The following IMPG1 variants were observed in gnomAD, a reference collection of about 807,000 sequenced individuals.
IMPG1 encodes interphotoreceptor matrix proteoglycan of 150 kDa.
IMPG1 carries 85 observed loss-of-function variants against 92.0 expected under a neutral mutation model. The observed-to-expected ratio is 0.92, with a 90% confidence interval of 0.78 to 1.11. The LOEUF (loss-of-function observed/expected upper bound fraction) is 1.11, where lower values mean the gene tolerates loss of function less well. Among genes scored for constraint, IMPG1 ranks in the 50% least tolerant of loss-of-function variants. The pLI is 0.00. For missense variants in IMPG1, 1,022 were observed against 956.0 expected (o/e 1.07, Z -0.91); for synonymous variants, 367 against 334.1 (o/e 1.10, Z -1.08).
chr6:76,065,913 G>A (rs1784301246), intron 1 of IMPG1, among the ~76,000 whole-genome samples: 1 of 151,994 alleles, frequency 6.6e-6, no homozygotes. Context: ...AAGAGACTGA[G>A]GTCCTATTTT....
rs182096704 is a variant in IMPG1 at position 76,045,280 on chromosome 6, C to T, written c.68-3154G>A. On this transcript the variant is annotated intron_variant, in intron 1 of 16. Coordinates refer to ENST00000369950, the MANE Select transcript of IMPG1 (RefSeq NM_001563.4). ...TCCACTTTTGAGTATCTCCACTTAA[C>T]AAATTCCTTCCTTTGGGTTGAAAAT... is the stretch of plus-strand genomic sequence containing the variant. Among the ~76,000 whole-genome samples the T allele has an allele frequency of 3.9e-5, 6 of 152,258 alleles. No homozygotes were observed. The East Asian group carries it at 7.7e-4, about 20-fold the overall frequency.
At position 76,025,246 on chromosome 6, in the gene IMPG1, T is replaced by C; in HGVS notation, c.510A>G (p.Ile170Met). ...GCTCTCCCAATGTCTTCTCTGCAGA[T>C]ATTTCATCTTTTCTATTAGTACAAT... ...QRSFPDRKDE[I>M]SAEKTLGEPG... Residue 170 changes from isoleucine (I) to methionine (M), a missense_variant, in exon 5 of 17, where the codon ATA (isoleucine) becomes ATG (methionine). Ile to Met is a conservative substitution (Grantham distance 10). Coordinates refer to ENST00000369950, the MANE Select transcript of IMPG1 (RefSeq NM_001563.4). 6.3e-7 allele frequency: 1 copy of C among 1,588,344 alleles called. No individual in the cohort carries two copies. The highest frequency in any genetic ancestry group is 8.6e-7 in the Non-Finnish European group (1 of 1,158,112).
At chr6:76,036,286 AT>A (rs1481279877) in intron 2 of IMPG1, among the ~76,000 whole-genome samples, 1 of 152,210 alleles carries the variant, frequency 6.6e-6, no homozygotes, top group African/African-American at 2.4e-5. Flanking sequence ...AACCAAAGCA[AT>A]CACTTTGATC....
In IMPG1 at chr6:75,965,842, T is replaced by C. The variant is rs545484181; in HGVS notation, c.1292-14748A>G. 1.1e-4 allele frequency among the ~76,000 whole-genome samples: 16 copies of C among 152,142 alleles called. No homozygotes were observed. In the East Asian group the frequency reaches 1.9e-3, roughly 18 times the overall value. On this transcript the variant is annotated intron_variant, in intron 12 of 16. Coordinates refer to ENST00000369950, the MANE Select transcript of IMPG1 (RefSeq NM_001563.4). ...CAGGATGGTCTCGATCTCCTGACCT[T>C]GTGATCTGCCCGCCTTGGCCTCCCA...
chr6:76,027,684 A>G (rs1016749629), intron 4 of IMPG1, among the ~76,000 whole-genome samples: 2 of 152,200 alleles, frequency 1.3e-5, no homozygotes, highest in African/African-American at 2.4e-5. Context: ...AAGGTATTAT[A>G]TGGTTTTTTC....
At position 76,022,104 on chromosome 6, in the gene IMPG1, G is replaced by T; in HGVS notation, c.666+12C>A. 2.7e-6 allele frequency: 4 copies of T among 1,458,736 alleles called. No homozygotes were observed. Among genetic ancestry groups the T allele is most frequent in the Non-Finnish European group, 3.8e-6 (4 of 1,046,530 alleles). 90.4% of individuals were successfully genotyped at this position (1,458,736 alleles called of 1,614,324 possible). A position where few individuals can be genotyped will look rare whatever the true frequency, so the allele number is the denominator to read the frequency against. ...CACATGAAGAGCTAGATCAACTCTA[G>T]GAACTTCTTACTGTTGTAGGCATCT... is the stretch of plus-strand genomic sequence containing the variant. On this transcript the variant is annotated intron_variant, in intron 6 of 16. Coordinates refer to ENST00000369950, the MANE Select transcript of IMPG1 (RefSeq NM_001563.4).
chr6:75,993,191 T>C (rs1430166038), intron 12 of IMPG1, among the ~76,000 whole-genome samples: 1 of 152,132 alleles, frequency 6.6e-6, no homozygotes, highest in Non-Finnish European at 1.5e-5. Context: ...TAGTTCTTAA[T>C]ATGAAATTTC....
intron 1 of IMPG1, among the ~76,000 whole-genome samples, chr6:76,053,858 A>G (rs774557838): frequency 2.0e-5 from 3 of 152,144 alleles, no homozygotes; most frequent in African/African-American, 7.2e-5. Flanking sequence ...CTCAGTAAAG[A>G]CAATTGCATA....
intron 9 of IMPG1, among the ~76,000 whole-genome samples, chr6:76,006,786 A>G (rs1423135532): frequency 8.5e-5 from 13 of 152,186 alleles, no homozygotes; most frequent in Admixed American, 3.3e-4. Flanking sequence ...CATTAACTCA[A>G]AGCTTTTTTG....
intron 1 of IMPG1, among the ~76,000 whole-genome samples, chr6:76,066,211 C>T (rs972674625): frequency 2.0e-5 from 3 of 152,026 alleles, no homozygotes; most frequent in Non-Finnish European, 4.4e-5. Context: ...AGAAAGAAAA[C>T]TCCACATATT....
intron 12 of IMPG1, among the ~76,000 whole-genome samples, chr6:75,979,539 C>T (rs1404083804): frequency 1.3e-5 from 2 of 152,194 alleles, no homozygotes; most frequent in Non-Finnish European, 2.9e-5. Context: ...CCACTGTTAT[C>T]TCATTTCCCA....
intron 12 of IMPG1, among the ~76,000 whole-genome samples, chr6:75,997,845 C>A (rs1782927523): frequency 6.6e-6 from 1 of 152,154 alleles, no homozygotes; most frequent in South Asian, 2.1e-4. Flanking sequence ...CATAGCAATA[C>A]TTTCAATTCT....
intron 1 of IMPG1, among the ~76,000 whole-genome samples, chr6:76,047,714 T>G (rs1445883595): frequency 6.6e-6 from 1 of 152,218 alleles, no homozygotes. Context: ...TGTGGAAATA[T>G]TAATGGGATT....
intron 4 of IMPG1, among the ~76,000 whole-genome samples, chr6:76,027,285 T>A (rs1783559048): frequency 6.6e-6 from 1 of 152,232 alleles, no homozygotes; most frequent in Non-Finnish European, 1.5e-5. Context: ...ACTGTCTGTC[T>A]TGTTGGCTTC....
intron 1 of IMPG1, among the ~76,000 whole-genome samples, chr6:76,048,784 C>A (rs1783988205): frequency 6.6e-6 from 1 of 152,170 alleles, no homozygotes; most frequent in Non-Finnish European, 1.5e-5. Flanking sequence ...TTTGGTGTGG[C>A]AATTCCTCAA....
chr6:76,052,946 G>T (rs1784066679), intron 1 of IMPG1, among the ~76,000 whole-genome samples: 1 of 152,054 alleles, frequency 6.6e-6, no homozygotes, highest in Non-Finnish European at 1.5e-5. Flanking sequence ...GTTTTCAGGG[G>T]CTGACACAAA....
intron 14 of IMPG1, chr6:75,934,775 CG>C: frequency 3.3e-6 from 1 of 306,550 alleles, no homozygotes; most frequent in Admixed American, 3.8e-5. Flanking sequence ...AACTCAAGAT[CG>C]TGCCCTCCGC....
chr6:76,030,559 A>G (rs923961571), intron 4 of IMPG1, among the ~76,000 whole-genome samples: 1 of 152,096 alleles, frequency 6.6e-6, no homozygotes, highest in Non-Finnish European at 1.5e-5. Context: ...GAAAGAGTTA[A>G]TTTCCCAAGC....
intron 12 of IMPG1, among the ~76,000 whole-genome samples, chr6:75,993,295 T>C (rs866879229): frequency 1.3e-5 from 2 of 152,162 alleles, no homozygotes; most frequent in Admixed American, 6.5e-5. Context: ...ACAGCTGTCG[T>C]AACAGAATAC....
Sources: allele counts gnomAD v4.1 joint callset (sites outside exome capture counted in the v4.1 genomes callset), GRCh38; gene constraint gnomAD v4.1.1; transcripts MANE v1.5; gene names NCBI Gene and HGNC (gene_info 2026-07-23, HGNC 2026-07-21).